Variants in VPS13A observed in about 807,000 individuals in gnomAD.
VPS13A encodes the protein intermembrane lipid transfer protein VPS13A.
In VPS13A, 264 loss-of-function variants were observed where a neutral mutation model predicts 390.9. That is an observed-to-expected ratio of 0.68 (90% CI 0.61 to 0.75). The LOEUF is 0.75. Ranked by LOEUF, VPS13A falls within the 30% of genes least tolerant of loss-of-function variation. The pLI is 0.00. For synonymous variants in VPS13A, 1,231 were observed against 1,227.1 expected (o/e 1.00, Z -0.07); for missense variants, 3,409 against 3,733.9 (o/e 0.91, Z 2.27).
chr9:77,275,812 T>C (rs565983341), intron 25 of VPS13A, among the ~76,000 whole-genome samples, 160 bp downstream of exon 25: 2,486 of 135,276 alleles, frequency 0.018, 53 homozygotes, highest in African/African-American at 0.055. Flanking sequence ...CGCCCCCCCC[T>C]TTTTTTTTTA....
At chr9:77,203,813 A>G in intron 3 of VPS13A, among the ~76,000 whole-genome samples, 1 of 152,092 alleles carries the variant, frequency 6.6e-6, no homozygotes. Context: ...TTTTGGTTAT[A>G]TTTTTGGTCT....
chr9:77,403,547 GT>G (rs1834475569), intron 69 of VPS13A, among the ~76,000 whole-genome samples: 1 of 152,180 alleles, frequency 6.6e-6, no homozygotes, highest in Admixed American at 6.5e-5. Context: ...TTTAGTATTT[GT>G]TTCAACTAAT....
intron 31 of VPS13A, among the ~76,000 whole-genome samples, chr9:77,288,293 T>G (rs1325748006): frequency 6.6e-6 from 1 of 152,174 alleles, no homozygotes; most frequent in East Asian, 1.9e-4. Context: ...TTTTATTTAT[T>G]TATGCTCTTT....
At position 77,321,702 on chromosome 9, in the gene VPS13A, A is replaced by G. The variant is rs748876393; in HGVS notation, c.5786A>G (p.Asn1929Ser). Residue 1929 changes from asparagine (N) to serine (S), a missense_variant, in exon 44 of 72, where the codon AAT becomes AGT. By Grantham distance (46) the Asn-to-Ser change is conservative. Coordinates refer to ENST00000360280, the MANE Select transcript of VPS13A (RefSeq NM_033305.3). ...CGAACCAAGGACAATGATCATTTCA[A>G]TGCAATGACCAGCCTAAGCAGCAAA... ...YIRTKDNDHF[N>S]AMTSLSSKLF... is the part of the protein sequence containing the mutation. 159 of 1,613,186 alleles carry G rather than the reference A, an allele frequency of 9.9e-5. No individual in the cohort carries two copies. The highest frequency in any genetic ancestry group is 3.3e-5 in the Admixed American group (2 of 59,922).
At chr9:77,404,607 A>G (rs1834515986) in intron 69 of VPS13A, among the ~76,000 whole-genome samples, 2 of 152,250 alleles carry the variant, frequency 1.3e-5, no homozygotes, top group Admixed American at 1.3e-4. Flanking sequence ...TTGGTTCCAA[A>G]TCTTGCAACA....
Position 77,399,198 on chromosome 9 carries a change from A to AT in VPS13A, c.9190-4038_9190-4037insT, listed in dbSNP as rs1834266008. Among the ~76,000 whole-genome samples the AT allele has an allele frequency of 4.1e-4, 46 of 110,960 alleles. 1 individual carries two copies. Among genetic ancestry groups the AT allele is most frequent in the African/African-American group, 1.5e-3 (45 of 29,540 alleles). 72.8% of individuals were successfully genotyped at this position (110,960 alleles called of 152,430 possible). A position where few individuals can be genotyped will look rare whatever the true frequency, so the allele number is the denominator to read the frequency against. On this transcript the variant is annotated intron_variant, in intron 68 of 71. Transcript: ENST00000360280. ...AAAAAAAATAAAAAAAAAAAAAAAA[A>AT]AAAAAAACAAAGGATACGGTTGATT...
At chr9:77,409,548 T>C (rs1834808356) in intron 71 of VPS13A, among the ~76,000 whole-genome samples, 1 of 151,878 alleles carries the variant, frequency 6.6e-6, no homozygotes, top group Non-Finnish European at 1.5e-5. Flanking sequence ...TTAAAAACCT[T>C]GAAAAAAAAT....
intron 21 of VPS13A, 112 bp from the exon 22 acceptor site, chr9:77,252,123 G>C: frequency 1.2e-6 from 1 of 860,046 alleles, no homozygotes. Flanking sequence ...AGATTACCTA[G>C]ATGTGGGGAA....
rs371373125 is a variant in VPS13A, at chr9:77,188,306, A to G, written c.100+10502A>G. On this transcript the variant is annotated intron_variant, in intron 1 of 71. Transcript: ENST00000360280. Reference sequence around the variant, plus strand: ...CAGGCTCAGGTATTTCTTTATAGCAACACAACAATGGACTAACACAGTACT... The same window carrying G: ...CAGGCTCAGGTATTTCTTTATAGCAGCACAACAATGGACTAACACAGTACT... Among the ~76,000 whole-genome samples the G allele has an allele frequency of 5.3e-5, 8 of 152,292 alleles. No homozygotes were observed. The East Asian group carries it at 5.8e-4, about 11-fold the overall frequency.
At chr9:77,279,196 G>A (rs1442938323) in intron 26 of VPS13A, among the ~76,000 whole-genome samples, 1 of 152,210 alleles carries the variant, frequency 6.6e-6, no homozygotes, top group Non-Finnish European at 1.5e-5. Context: ...CTGGAAGGAT[G>A]AGTGCAAGGT....
chr9:77,322,648 T>G (rs1189493192), intron 44 of VPS13A, among the ~76,000 whole-genome samples: 2 of 152,004 alleles, frequency 1.3e-5, no homozygotes, highest in Non-Finnish European at 2.9e-5. Context: ...AAAATTTTAT[T>G]TAATCAAGTC....
chr9:77,415,046 A>C (rs897212244), intron 71 of VPS13A, among the ~76,000 whole-genome samples: 5 of 152,214 alleles, frequency 3.3e-5, no homozygotes, highest in African/African-American at 1.2e-4. Flanking sequence ...TGGAAAACAC[A>C]AAAGGAGCAA....
intron 12 of VPS13A, 75 bp from the exon 13 acceptor site, chr9:77,221,110 T>TA (rs1823184041): frequency 7.3e-7 from 1 of 1,379,018 alleles, no homozygotes; most frequent in Non-Finnish European, 1.0e-6. Context: ...TGTATGTTGT[T>TA]AGAGTAGAAG....
intron 35 of VPS13A, among the ~76,000 whole-genome samples, chr9:77,311,129 T>C (rs1014083719): frequency 6.6e-5 from 10 of 152,076 alleles, no homozygotes; most frequent in Admixed American, 2.0e-4. Flanking sequence ...TTTCACTGTG[T>C]TACCCAGGAT....
intron 68 of VPS13A, chr9:77,395,850 ATCTTTTT>A (rs1268239330): frequency 2.0e-5 from 3 of 152,204 alleles, no homozygotes; most frequent in Non-Finnish European, 2.9e-5. Context: ...TTAAAAAAGA[ATCTTTTT>A]TTCCTTTCAA....
chr9:77,263,633 T>G (rs892952126), intron 23 of VPS13A, among the ~76,000 whole-genome samples: 1 of 152,204 alleles, frequency 6.6e-6, no homozygotes, highest in African/African-American at 2.4e-5. Context: ...TCTTTGTAGA[T>G]TCTGGATTTT....
rs191199536 is a variant in VPS13A at position 77,193,555 on chromosome 9, A to C, written c.101-6390A>C. On this transcript the variant is annotated intron_variant, in intron 1 of 71. Coordinates refer to ENST00000360280, the MANE Select transcript of VPS13A (RefSeq NM_033305.3). Reference sequence around the variant, plus strand: ...AAGCTGAGGCAGGAGAATCACTTGAACCCGGAAGGTGGAGGTTGCAGTGAG... The same window carrying C: ...AAGCTGAGGCAGGAGAATCACTTGACCCCGGAAGGTGGAGGTTGCAGTGAG... Among the ~76,000 whole-genome samples the C allele has an allele frequency of 3.2e-3, 486 of 152,098 alleles. 2 individuals carry two copies. Among genetic ancestry groups the C allele is most frequent in the African/African-American group, 0.011 (447 of 41,472 alleles).
At chr9:77,356,909 C>T in intron 55 of VPS13A, 42 bp downstream of exon 55, 1 of 1,607,528 alleles carries the variant, frequency 6.2e-7, no homozygotes, top group Admixed American at 1.7e-5. Context: ...AATTTTTTGC[C>T]TGTCGTAGTT....
chr9:77,207,157 G>A (rs1416580021), intron 5 of VPS13A, among the ~76,000 whole-genome samples: 1 of 129,608 alleles, frequency 7.7e-6, no homozygotes, highest in East Asian at 2.3e-4. Context: ...GCCCAGGCCC[G>A]CACCTATATT....
Sources: gnomAD v4.1 joint callset for allele counts (sites outside exome capture counted in the v4.1 genomes callset) on GRCh38, gnomAD v4.1.1 for gene constraint, MANE v1.5 for transcripts, NCBI Gene and HGNC (gene_info 2026-07-23, HGNC 2026-07-21) for gene names.